The following PLSCR2 variants were observed in gnomAD, a reference collection of about 807,000 sequenced individuals.
PLSCR2 encodes phospholipid scramblase 2, also known as PL scramblase 2.
PLSCR2 carries 18 observed loss-of-function variants against 25.3 expected under a neutral mutation model. That is an observed-to-expected ratio of 0.71 (90% confidence interval 0.49 to 1.06). The LOEUF is 1.06. Among genes scored for constraint, PLSCR2 ranks in the 50% least tolerant of loss-of-function variants. PLSCR2 has a pLI of 0.00. For synonymous variants in PLSCR2, 88 were observed against 87.3 expected, an observed-to-expected ratio of 1.01 and a Z score of -0.04; for missense variants, 243 against 269.5, an observed-to-expected ratio of 0.90 and a Z score of 0.69.
At chr3:146,482,474 G>A (rs4470478) in intron 1 of PLSCR2, among the ~76,000 whole-genome samples, 49,111 of 151,928 alleles carry the variant, frequency 0.32, 7,979 homozygotes, top group South Asian at 0.41. Flanking sequence ...CACATGAAAA[G>A]ATGCTCATCA....
exon 4 of PLSCR2, chr3:146,455,346 A>G (rs764492813): frequency 6.2e-7 from 1 of 1,613,630 alleles, no homozygotes; most frequent in South Asian, 1.1e-5. Flanking sequence ...AAAGGTCTAG[A>G]CCGCCCACAG....
chr3:146,488,956 G>C (rs962998432), intron 1 of PLSCR2, among the ~76,000 whole-genome samples: 1 of 152,052 alleles, frequency 6.6e-6, no homozygotes, highest in Non-Finnish European at 1.5e-5. Flanking sequence ...AAAGAATATG[G>C]TATATATACA....
upstream of PLSCR2, chr3:146,461,898 G>A (rs987053620): frequency 1.1e-5 from 16 of 1,509,652 alleles, no homozygotes; most frequent in African/African-American, 1.9e-4. Flanking sequence ...GTTTTCAGGA[G>A]TGCCCAGTAC....
At chr3:146,489,450 A>C (rs1487923817) in intron 1 of PLSCR2, among the ~76,000 whole-genome samples, 2 of 152,168 alleles carry the variant, frequency 1.3e-5, no homozygotes, top group Non-Finnish European at 2.9e-5. Context: ...GTAGACCAGT[A>C]AAATGGCAGC....
At chr3:146,413,522 C>T (rs919539467) in intron 2 of PLSCR2, among the ~76,000 whole-genome samples, 2 of 152,202 alleles carry the variant, frequency 1.3e-5, no homozygotes, top group African/African-American at 4.8e-5. Flanking sequence ...TAGATATCCT[C>T]ATTCATTATG....
chr3:146,409,296 G>A (rs553173131), intron 2 of PLSCR2, among the ~76,000 whole-genome samples: 1 of 152,210 alleles, frequency 6.6e-6, no homozygotes, highest in Admixed American at 6.5e-5. Flanking sequence ...GGAGACATGG[G>A]GTGACCCTAA....
At chr3:146,409,855 G>C (rs1366325304) in intron 2 of PLSCR2, among the ~76,000 whole-genome samples, 1 of 152,092 alleles carries the variant, frequency 6.6e-6, no homozygotes, top group East Asian at 1.9e-4. Flanking sequence ...ACTCCCTGGG[G>C]GGCTGGAGTA....
chr3:146,468,210 AT>A (rs2041952962), intron 1 of PLSCR2, among the ~76,000 whole-genome samples: 2 of 152,040 alleles, frequency 1.3e-5, no homozygotes, highest in African/African-American at 4.8e-5. Flanking sequence ...CAATCCACTC[AT>A]TTTCCTTTGT....
intron 3 of PLSCR2, among the ~76,000 whole-genome samples, chr3:146,394,611 A>G (rs954136664): frequency 1.3e-4 from 20 of 152,216 alleles, no homozygotes; most frequent in Non-Finnish European, 2.2e-4. Flanking sequence ...CAGAAGGTTT[A>G]CAAATAATGT....
At chr3:146,399,712 C>T (rs1481332993) in intron 2 of PLSCR2, among the ~76,000 whole-genome samples, 8 of 150,558 alleles carry the variant, frequency 5.3e-5, no homozygotes, top group Non-Finnish European at 1.2e-4. Context: ...CTTCCTTCTG[C>T]TCTCTCCCTT....
chr3:146,455,192 T>C, intron 4 of PLSCR2, 47 bp downstream of exon 4: 2 of 1,242,442 alleles, frequency 1.6e-6, no homozygotes, highest in Non-Finnish European at 2.4e-6. Flanking sequence ...AGGGTGGAAA[T>C]CCTTGCTGAA....
At chr3:146,431,178 T>A (rs1027240647), downstream of PLSCR2, among the ~76,000 whole-genome samples, 11 of 151,380 alleles carry the variant, frequency 7.3e-5, no homozygotes, top group African/African-American at 2.4e-4. Flanking sequence ...ACACTTTCTG[T>A]CCTAGGATAA....
chr3:146,423,282 T>TCTCTCTCTCTCC (rs758576585), intron 2 of PLSCR2, among the ~76,000 whole-genome samples: 3,313 of 100,918 alleles, frequency 0.033, 693 homozygotes, highest in South Asian at 0.052. Context: ...TCTCTCTCTC[T>TCTCTCTCTCTCC]CCCTGGCTAG....
chr3:146,450,098 A>G (rs931111264), intron 5 of PLSCR2, among the ~76,000 whole-genome samples: 7 of 152,230 alleles, frequency 4.6e-5, no homozygotes, highest in Non-Finnish European at 1.0e-4. Flanking sequence ...ATAGCATTGA[A>G]AAGTGTGTGC....
exon 4 of PLSCR2, chr3:146,455,278 T>G: frequency 6.2e-7 from 1 of 1,614,058 alleles, no homozygotes; most frequent in Non-Finnish European, 8.5e-7. Context: ...AGTTACATCT[T>G]AGTGGTCTTT....
chr3:146,452,487 A>G (rs2040960152), intron 5 of PLSCR2, among the ~76,000 whole-genome samples: 1 of 152,212 alleles, frequency 6.6e-6, no homozygotes, highest in South Asian at 2.1e-4. Flanking sequence ...GAGGAGCACT[A>G]TATAATTCAA....
chr3:146,398,163 T>C (rs1469071689), intron 2 of PLSCR2, among the ~76,000 whole-genome samples: 1 of 151,984 alleles, frequency 6.6e-6, no homozygotes, highest in African/African-American at 2.4e-5. Flanking sequence ...TAACAAGTTA[T>C]TTAATTTTAT....
chr3:146,417,442 T>A (rs1462201836), intron 2 of PLSCR2, among the ~76,000 whole-genome samples: 1 of 151,828 alleles, frequency 6.6e-6, no homozygotes, highest in Non-Finnish European at 1.5e-5. Context: ...AAAACAAGAG[T>A]AAATTTTAAA....
intron 1 of PLSCR2, among the ~76,000 whole-genome samples, chr3:146,491,902 A>G (rs1415945391): frequency 6.6e-6 from 1 of 152,048 alleles, no homozygotes; most frequent in Admixed American, 6.5e-5. Context: ...GTAAGAAGAC[A>G]CTCTGGCTTT....
Sources: allele counts gnomAD v4.1 joint callset (sites outside exome capture counted in the v4.1 genomes callset), GRCh38; gene constraint gnomAD v4.1.1; transcripts MANE v1.5; gene names NCBI Gene and HGNC (gene_info 2026-07-23, HGNC 2026-07-21).